Variants in RNF14 observed in about 807,000 individuals in gnomAD.
RNF14 encodes the protein ring finger protein 14.
In RNF14, 26 loss-of-function variants were observed where a neutral mutation model predicts 52.6. The ratio of observed to expected loss-of-function variants is 0.49; its 90% confidence interval spans 0.36 to 0.69. RNF14 has a LOEUF of 0.69. Ranked by LOEUF, RNF14 falls within the 30% of genes least tolerant of loss-of-function variation. RNF14 has a pLI of 0.00. For synonymous variants in RNF14, 194 were observed against 202.0 expected (o/e 0.96, Z 0.34); for missense variants, 404 against 560.4 (o/e 0.72, Z 2.82).
intron 4 of RNF14, among the ~76,000 whole-genome samples, chr5:141,976,559 G>T (rs1754273414): frequency 6.6e-6 from 1 of 152,112 alleles, no homozygotes; most frequent in African/African-American, 2.4e-5. Context: ...TTCAGTTCTT[G>T]TTTGTTGCTG....
intron 4 of RNF14, among the ~76,000 whole-genome samples, chr5:141,977,945 A>G (rs184744384): frequency 6.6e-6 from 1 of 152,378 alleles, no homozygotes; most frequent in Admixed American, 6.5e-5. Flanking sequence ...TCTTTGTCCT[A>G]CATGAGGTAT....
chr5:141,961,474 T>G lies in RNF14; in HGVS notation c.-181+3049T>G, dbSNP rs1236685668. Among the ~76,000 whole-genome samples, 5 of 152,110 alleles carry G rather than the reference T, an allele frequency of 3.3e-5. No individual in the cohort carries two copies. The East Asian group carries it at 9.6e-4, about 29-fold the overall frequency. On this transcript the variant is annotated intron_variant, in intron 1 of 4. Transcript: ENST00000506822. ...TCTGGCTGCAGGGGTCAGCTGATCT[T>G]TAGCAGTCAAATGCCAAGGGGTGAA...
chr5:141,973,604 C>A lies in RNF14; in HGVS notation c.16C>A (p.Arg6=). The A allele has an allele frequency of 1.9e-6, 3 of 1,608,902 alleles. No individual in the cohort carries two copies. The highest frequency in any genetic ancestry group is 2.5e-6 in the Non-Finnish European group (3 of 1,178,588). MSSED[R]EAQEDELLAL... is the part of the protein sequence containing the mutation. ...TCAGGTCCTTATGTCGTCAGAAGAT[C>A]GAGAAGCTCAGGAGGATGAATTGCT... Residue 6 remains arginine, a synonymous_variant, in exon 3 of 9, where the codon CGA becomes AGA. Transcript: ENST00000394520.
chr5:141,966,454 CT>C, upstream of RNF14, among the ~76,000 whole-genome samples: 1 of 152,084 alleles, frequency 6.6e-6, no homozygotes, highest in Non-Finnish European at 1.5e-5. Flanking sequence ...CCTCAGTTTT[CT>C]CTTCTGTCAA....
Position 141,980,360 on chromosome 5 carries a change from T to C in RNF14, c.1063+9T>C, listed in dbSNP as rs1356346689. On this transcript the variant is annotated intron_variant, in intron 6 of 8. Coordinates refer to ENST00000394520, the MANE Select transcript of RNF14 (RefSeq NM_004290.5). Reference sequence around the variant, plus strand: ...ATGTAAGGTGACTGCAGGTATGTTTTAACTGTGAACCCAAACCCCCATCCC... The same window carrying C: ...ATGTAAGGTGACTGCAGGTATGTTTCAACTGTGAACCCAAACCCCCATCCC... 2.5e-6 allele frequency: 4 copies of C among 1,606,794 alleles called. No homozygotes were observed. The South Asian group carries it at 3.3e-5, about 13-fold the overall frequency.
rs1755442701 is a variant in RNF14 at position 141,988,825 on chromosome 5, A to C, written c.*1035A>C. ...TGAATTATTTTTAAAGATCTTCTCT[A>C]ACAAGCTATGGGAATTTGGCTTCAT... On this transcript the variant is annotated 3_prime_UTR_variant, in exon 9 of 9. Coordinates refer to ENST00000394520, the MANE Select transcript of RNF14 (RefSeq NM_004290.5). 6.6e-6 allele frequency: 1 copy of C among 152,364 alleles called. No individual in the cohort carries two copies. Among genetic ancestry groups the C allele is most frequent in the East Asian group, 1.9e-4 (1 of 5,338 alleles). The allele number at this position is 152,364 out of a possible 1,614,324, so 9.4% of individuals were successfully genotyped here.
At chr5:141,957,924 C>G, upstream of RNF14, 2 of 1,520,894 alleles carry the variant, frequency 1.3e-6, no homozygotes, top group Non-Finnish European at 1.8e-6. This position sits in a 1 kb window ranked among gnomAD's most constrained non-coding sequence, Gnocchi z 4.3. Flanking sequence ...TCCAGTGTTT[C>G]CTGGATGGCT....
chr5:141,973,802 A>G, intron 3 of RNF14, 60 bp downstream of exon 3: 5 of 1,396,464 alleles, frequency 3.6e-6, no homozygotes, highest in African/African-American at 1.5e-5. Flanking sequence ...AGTGTACCTT[A>G]AACTATTTGT....
In RNF14 at chr5:141,988,393, A is replaced by G. The variant is rs1168299083; in HGVS notation, c.*603A>G. 6.6e-6 allele frequency: 1 copy of G among 152,292 alleles called. No individual in the cohort carries two copies. The highest frequency in any genetic ancestry group is 1.5e-5 in the Non-Finnish European group (1 of 68,096). 9.4% of individuals were successfully genotyped at this position (152,292 alleles called of 1,614,324 possible). A position where few individuals can be genotyped will look rare whatever the true frequency, so the allele number is the denominator to read the frequency against. On this transcript the variant is annotated 3_prime_UTR_variant, in exon 9 of 9. Transcript: ENST00000394520. Reference sequence around the variant, plus strand: ...GCTTTTCAGAATGGAAATTTATAATATAAATATATGTTTTAATACCACAAA... The same window carrying G: ...GCTTTTCAGAATGGAAATTTATAATGTAAATATATGTTTTAATACCACAAA...
the RNF14 span, among the ~76,000 whole-genome samples, chr5:141,950,571 G>T: frequency 9.9e-5 from 15 of 152,184 alleles, no homozygotes; most frequent in African/African-American, 3.4e-4. Context: ...GATTTTGCAG[G>T]TTGCCCAAGG....
upstream of RNF14, among the ~76,000 whole-genome samples, chr5:141,962,622 G>A (rs1753283752): frequency 6.6e-6 from 1 of 152,240 alleles, no homozygotes; most frequent in African/African-American, 2.4e-5. Flanking sequence ...GACAACAGCA[G>A]AGGCTGTGAA....
At chr5:141,965,572 C>CA (rs1349968354), upstream of RNF14, among the ~76,000 whole-genome samples, 1 of 152,120 alleles carries the variant, frequency 6.6e-6, no homozygotes, top group African/African-American at 2.4e-5. Flanking sequence ...GAATTTGTTA[C>CA]AAAAAACCCT....
At chr5:141,949,614 G>A in the RNF14 span, 1 of 1,604,538 alleles carries the variant, frequency 6.2e-7, no homozygotes, top group East Asian at 2.2e-5. Context: ...TCCATGGGTA[G>A]GGACATTCCC....
Position 141,973,648 on chromosome 5 carries a change from C to T in RNF14, c.60C>T (p.Tyr20=), listed in dbSNP as rs746943364. 7.0e-5 allele frequency: 113 copies of T among 1,613,640 alleles called. 2 individuals are homozygous for T. In the South Asian group the frequency reaches 1.1e-3, roughly 15 times the overall value. Residue 20 remains tyrosine, a synonymous_variant, in exon 3 of 9, where the codon TAC becomes TAT. Transcript: ENST00000394520. ...EDELLALASI[Y]DGDEFRKAES... Reference sequence around the variant, plus strand: ...AATTGCTGGCCCTGGCAAGTATTTACGATGGAGATGAATTTAGAAAAGCAG... The same window carrying T: ...AATTGCTGGCCCTGGCAAGTATTTATGATGGAGATGAATTTAGAAAAGCAG...
At chr5:141,984,695 A>C (rs1239869975) in intron 7 of RNF14, 108 bp from the exon 8 acceptor site, 1 of 973,566 alleles carries the variant, frequency 1.0e-6, no homozygotes, top group East Asian at 2.4e-5. Context: ...AACCCTGCAT[A>C]AGAAAAGGGA....
upstream of RNF14, chr5:141,957,734 C>T (rs755087132): frequency 3.1e-6 from 5 of 1,613,840 alleles, no homozygotes; most frequent in Non-Finnish European, 3.4e-6. This position sits in a 1 kb window ranked among gnomAD's most constrained non-coding sequence, Gnocchi z 4.3. Context: ...CCAGATGGCA[C>T]TTCCTCTGAC....
chr5:141,979,483 C>T (rs1754573247), intron 5 of RNF14, among the ~76,000 whole-genome samples: 1 of 152,182 alleles, frequency 6.6e-6, no homozygotes, highest in South Asian at 2.1e-4. Flanking sequence ...AACTCCTGAC[C>T]TCAAGTGATC....
chr5:141,955,283 T>C, upstream of RNF14: 1 of 1,614,160 alleles, frequency 6.2e-7, no homozygotes, highest in African/African-American at 1.3e-5. This position sits in a 1 kb window ranked among gnomAD's most constrained non-coding sequence, Gnocchi z 5.5. Flanking sequence ...CGGGAGGCAT[T>C]CCTCTGCCTG....
chr5:141,949,424 G>T, the RNF14 span: 1 of 1,610,708 alleles, frequency 6.2e-7, no homozygotes, highest in Non-Finnish European at 8.5e-7. Context: ...ACTCCAGGGG[G>T]TCCCTACCTG....
Sources: gnomAD v4.1 joint callset for allele counts (sites outside exome capture counted in the v4.1 genomes callset) on GRCh38, gnomAD v4.1.1 for gene constraint, Gnocchi (gnomAD v3.1) non-coding constraint, MANE v1.5 for transcripts, NCBI Gene and HGNC (gene_info 2026-07-23, HGNC 2026-07-21) for gene names.